RYR2: variants seen among roughly 807,000 people sequenced by gnomAD.
The protein encoded by RYR2 is cardiac muscle ryanodine receptor-calcium release channel.
Under a neutral mutation model 601.1 loss-of-function variants are expected in RYR2, and 227 were observed. The observed-to-expected ratio is 0.38, with a 90% CI of 0.34 to 0.42. RYR2 has a LOEUF of 0.42. Among genes scored for constraint, RYR2 ranks in the 10% least tolerant of loss-of-function variants. RYR2 has a pLI of 1.00. For missense variants in RYR2, 4,646 were observed against 6,156.5 expected (o/e 0.75, Z 8.21); for synonymous variants, 2,223 against 2,175.1 (o/e 1.02, Z -0.61).
intron 9 of RYR2, 87 bp from the exon 10 acceptor site, chr1:237,388,000 A>T (rs1702078198): frequency 1.6e-6 from 2 of 1,234,636 alleles, no homozygotes; most frequent in Admixed American, 3.9e-5. Context: ...TTTCTTTACG[A>T]AAGTAGAAGA....
intron 63 of RYR2, among the ~76,000 whole-genome samples, chr1:237,692,616 T>A (rs956351522): frequency 6.6e-6 from 1 of 152,196 alleles, no homozygotes; most frequent in Non-Finnish European, 1.5e-5. Context: ...GCCTCTTGAA[T>A]GTGTTAGATT....
intron 1 of RYR2, among the ~76,000 whole-genome samples, chr1:237,091,443 GGGA>G (rs1666946385): frequency 1.4e-5 from 2 of 145,280 alleles, no homozygotes; most frequent in Admixed American, 7.0e-5. Flanking sequence ...GGGGCGGGGG[GGGA>G]TAGGGTCTTG....
At chr1:237,254,895 C>T (rs900887608) in intron 1 of RYR2, among the ~76,000 whole-genome samples, 2 of 152,142 alleles carry the variant, frequency 1.3e-5, no homozygotes, top group Non-Finnish European at 2.9e-5. Context: ...AACCAGGTGA[C>T]AAGGAGATGC....
intron 1 of RYR2, among the ~76,000 whole-genome samples, chr1:237,071,275 G>A (rs1664283061): frequency 6.6e-6 from 1 of 151,926 alleles, no homozygotes; most frequent in Non-Finnish European, 1.5e-5. Context: ...CCAGGCTGGA[G>A]TGCAATGGTG....
chr1:237,117,839 G>A (rs1469029625), intron 1 of RYR2, among the ~76,000 whole-genome samples: 1 of 152,022 alleles, frequency 6.6e-6, no homozygotes, highest in Non-Finnish European at 1.5e-5. Flanking sequence ...TCTCCCTCCT[G>A]GGTTCAAATG....
At chr1:237,193,958 A>G (rs1263814867) in intron 1 of RYR2, among the ~76,000 whole-genome samples, 1 of 152,200 alleles carries the variant, frequency 6.6e-6, no homozygotes, top group East Asian at 1.9e-4. Flanking sequence ...ATAACTTTTC[A>G]TTCTATCTTG....
intron 1 of RYR2, among the ~76,000 whole-genome samples, chr1:237,209,018 T>C (rs1426598196): frequency 7.1e-6 from 1 of 140,290 alleles, no homozygotes; most frequent in African/African-American, 2.6e-5. Context: ...TTCAGCCATG[T>C]GAAAATTTTT....
In RYR2 at chr1:237,674,782, C is replaced by T; in HGVS notation, c.8766C>T (p.Ala2922=). The T allele has an allele frequency of 6.2e-7, 1 of 1,612,612 alleles. No homozygotes were observed. Among genetic ancestry groups the T allele is most frequent in the Non-Finnish European group, 8.5e-7 (1 of 1,178,930 alleles). ...LDTPSIEKRF[A]YSFLQQLIRY... ...CGCCTTCTATTGAGAAACGATTTGC[C>T]TATAGTTTCCTCCAACAACTCATTC... Residue 2922 remains alanine, a synonymous_variant, in exon 60 of 105, where the codon GCC becomes GCT. Coordinates refer to ENST00000366574, the MANE Select transcript of RYR2 (RefSeq NM_001035.3).
chr1:237,691,995 A>G (rs1253684548), intron 63 of RYR2, among the ~76,000 whole-genome samples: 1 of 152,202 alleles, frequency 6.6e-6, no homozygotes, highest in Non-Finnish European at 1.5e-5. Context: ...ACTATTTTCA[A>G]GGCAGTTAGA....
At chr1:237,102,909 T>C (rs1035032694) in intron 1 of RYR2, among the ~76,000 whole-genome samples, 2 of 152,216 alleles carry the variant, frequency 1.3e-5, no homozygotes, top group Non-Finnish European at 2.9e-5. Context: ...AAAATACACG[T>C]ATAAAACTTA....
rs1162759445 is a variant in RYR2 at position 237,117,455 on chromosome 1, AT to A, written c.48+74894del. 6.6e-5 allele frequency among the ~76,000 whole-genome samples: 10 copies of A among 151,742 alleles called. No individual in the cohort carries two copies. In the South Asian group the frequency reaches 1.7e-3, roughly 25 times the overall value. On this transcript the variant is annotated intron_variant, in intron 1 of 104. Coordinates refer to ENST00000366574, the MANE Select transcript of RYR2 (RefSeq NM_001035.3). ...ATGGACAAGTTAGGTAAAGGGACTC[AT>A]TTTTTTTCTCTTTGATTGTCTGCCT...
intron 1 of RYR2, among the ~76,000 whole-genome samples, chr1:237,082,962 C>T (rs78117705): frequency 0.1 from 15,719 of 151,996 alleles, 912 homozygotes; most frequent in African/African-American, 0.15. Context: ...ACAATTTCCC[C>T]GACGATTTAC....
At chr1:237,675,224 A>G (rs1685291694) in intron 60 of RYR2, among the ~76,000 whole-genome samples, 4 of 152,184 alleles carry the variant, frequency 2.6e-5, no homozygotes, top group Admixed American at 2.0e-4. Flanking sequence ...ATTTCTAAAC[A>G]CTATAGAGGT....
At chr1:237,569,623 T>C (rs1490469878) in intron 29 of RYR2, among the ~76,000 whole-genome samples, 1 of 152,214 alleles carries the variant, frequency 6.6e-6, no homozygotes, top group Non-Finnish European at 1.5e-5. Context: ...CATTTAGAAC[T>C]TCCCTGCTTC....
intron 95 of RYR2, 24 bp downstream of exon 95, chr1:237,794,021 T>C (rs1423464643): frequency 8.8e-6 from 14 of 1,588,788 alleles, no homozygotes; most frequent in East Asian, 2.2e-5. Context: ...TATATGAGAC[T>C]TTCTGCACTC....
intron 1 of RYR2, among the ~76,000 whole-genome samples, chr1:237,195,549 G>A (rs557340070): frequency 5.1e-4 from 78 of 152,338 alleles, no homozygotes; most frequent in African/African-American, 1.8e-3. Context: ...CACCACGCCT[G>A]AGCCACCACA....
intron 27 of RYR2, among the ~76,000 whole-genome samples, chr1:237,562,284 G>A (rs1231861822): frequency 1.3e-5 from 2 of 152,154 alleles, no homozygotes; most frequent in African/African-American, 2.4e-5. Context: ...AAGGATGGCT[G>A]ATTAATACCA....
intron 8 of RYR2, among the ~76,000 whole-genome samples, chr1:237,383,417 G>GTTTTTTTTTTTTTTTTTTTTTTT (rs10567644): frequency 5.9e-5 from 3 of 50,560 alleles, no homozygotes; most frequent in Non-Finnish European, 7.5e-5. Context: ...CTTTTTTCTT[G>GTTTTTTTTTTTTTTTTTTTTTTT]TTTTTTTTTT....
In RYR2 at chr1:237,113,002, G is replaced by A. The variant is rs183400409; in HGVS notation, c.48+70433G>A. Among the ~76,000 whole-genome samples the A allele has an allele frequency of 2.8e-3, 427 of 152,058 alleles. 2 individuals are homozygous for A. Among genetic ancestry groups the A allele is most frequent in the Non-Finnish European group, 4.9e-3 (334 of 67,994 alleles). ...ACCTCAACGGGGACTCTGTTCACAT[G>A]TACCAGCAGTGTGCTCCTTCTCCTT... is the stretch of plus-strand genomic sequence containing the variant. On this transcript the variant is annotated intron_variant, in intron 1 of 104. Transcript: ENST00000366574.
Sources: gnomAD v4.1 joint callset for allele counts (sites outside exome capture counted in the v4.1 genomes callset) on GRCh38, gnomAD v4.1.1 for gene constraint, MANE v1.5 for transcripts, NCBI Gene and HGNC (gene_info 2026-07-23, HGNC 2026-07-21) for gene names.